PLCB1: variants seen among roughly 807,000 people sequenced by gnomAD.
The protein encoded by PLCB1 is phospholipase C beta 1, also known as 1-phosphatidylinositol 4,5-bisphosphate phosphodiesterase beta-1.
A neutral mutation model predicts 161.8 loss-of-function variants in PLCB1; 46 were observed. The ratio of observed to expected loss-of-function variants is 0.28; its 90% confidence interval spans 0.22 to 0.36. The LOEUF is 0.36. PLCB1 is among the 10% of genes least tolerant of loss of function. PLCB1 has a pLI of 1.00. For synonymous variants in PLCB1, 517 were observed against 503.7 expected (o/e 1.03, Z -0.35); for missense variants, 1,016 against 1,472.5 (o/e 0.69, Z 5.07).
At chr20:8,861,891 T>G (rs1442612636) in intron 31 of PLCB1, among the ~76,000 whole-genome samples, 1 of 152,084 alleles carries the variant, frequency 6.6e-6, no homozygotes, top group African/African-American at 2.4e-5. Context: ...ACAATGAAAA[T>G]GTACATTGAT....
chr20:8,781,244 A>G (rs1389970639), intron 27 of PLCB1, among the ~76,000 whole-genome samples: 3 of 152,086 alleles, frequency 2.0e-5, no homozygotes, highest in African/African-American at 7.2e-5. Flanking sequence ...TTTTTGAAAA[A>G]TAATTTAGCT....
intron 3 of PLCB1, among the ~76,000 whole-genome samples, chr20:8,602,948 C>CT (rs1243798439): frequency 6.6e-6 from 1 of 152,186 alleles, no homozygotes; most frequent in Non-Finnish European, 1.5e-5. Flanking sequence ...AGCATTTTGT[C>CT]TGTCTAGTTT....
chr20:8,780,064 A>G lies in PLCB1; in HGVS notation c.3111+5345A>G, dbSNP rs77088870. On this transcript the variant is annotated intron_variant, in intron 27 of 31. Transcript: ENST00000338037. The stretch of plus-strand genomic sequence containing the variant: ...GGTAAGGACTTTTGCTCCAGAGAAG[A>G]ACTACAGGGTCAGGGAATCTGTTCT... Among the ~76,000 whole-genome samples the G allele has an allele frequency of 2.3e-3, 352 of 152,344 alleles. 9 individuals carry two copies. The East Asian group carries it at 0.056, about 24-fold the overall frequency.
At chr20:8,221,763 C>G (rs1979423354) in intron 2 of PLCB1, among the ~76,000 whole-genome samples, 1 of 152,082 alleles carries the variant, frequency 6.6e-6, no homozygotes, top group Admixed American at 6.6e-5. Flanking sequence ...AAGAGAAGTT[C>G]AAGGTCAAAG....
intron 3 of PLCB1, among the ~76,000 whole-genome samples, chr20:8,372,936 T>G (rs1006730899): frequency 2.0e-5 from 3 of 152,210 alleles, no homozygotes; most frequent in African/African-American, 7.2e-5. Context: ...CAAAGTGAAT[T>G]CTGCTGCCAC....
chr20:8,785,201 G>GT (rs1437217853), intron 27 of PLCB1, among the ~76,000 whole-genome samples: 1 of 152,080 alleles, frequency 6.6e-6, no homozygotes, highest in African/African-American at 2.4e-5. Flanking sequence ...AATTGAAATG[G>GT]TTTCTTCCAG....
intron 3 of PLCB1, among the ~76,000 whole-genome samples, chr20:8,571,157 A>T (rs1290858348): frequency 6.6e-6 from 1 of 152,180 alleles, no homozygotes; most frequent in Non-Finnish European, 1.5e-5. Context: ...AGAAAAAGGG[A>T]AATACCTATT....
chr20:8,632,010 AG>A (rs1376929700), intron 4 of PLCB1, among the ~76,000 whole-genome samples: 1 of 137,550 alleles, frequency 7.3e-6, no homozygotes, highest in Admixed American at 7.5e-5. Flanking sequence ...TTACTCCTGG[AG>A]GAGACAAATA....
At chr20:8,605,605 G>GTTTTC (rs911092026) in intron 3 of PLCB1, among the ~76,000 whole-genome samples, 1 of 91,736 alleles carries the variant, frequency 1.1e-5, no homozygotes, top group Non-Finnish European at 2.3e-5. Flanking sequence ...TATGTTTGGT[G>GTTTTC]TTTTCTTTTT....
chr20:8,354,243 G>A (rs538310087), intron 2 of PLCB1, among the ~76,000 whole-genome samples: 12 of 151,958 alleles, frequency 7.9e-5, no homozygotes, highest in Admixed American at 1.3e-4. Context: ...AATTTGTATC[G>A]TGTATTTTAT....
At chr20:8,218,315 G>A (rs2123158084) in intron 2 of PLCB1, among the ~76,000 whole-genome samples, 1 of 152,232 alleles carries the variant, frequency 6.6e-6, no homozygotes, top group South Asian at 2.1e-4. Context: ...TAATACATAT[G>A]CTCAGAGTTC....
chr20:8,699,942 A>G (rs1990662616), intron 11 of PLCB1, among the ~76,000 whole-genome samples: 1 of 152,162 alleles, frequency 6.6e-6, no homozygotes, highest in African/African-American at 2.4e-5. Flanking sequence ...CATGATTATG[A>G]CCCTTGCATT....
intron 3 of PLCB1, among the ~76,000 whole-genome samples, chr20:8,442,709 A>G (rs141390918): frequency 2.6e-5 from 4 of 152,200 alleles, no homozygotes; most frequent in African/African-American, 9.6e-5. Flanking sequence ...AAAATGTATA[A>G]TATTATCTAT....
chr20:8,151,536 G>C (rs2051508015), intron 2 of PLCB1, among the ~76,000 whole-genome samples: 1 of 152,138 alleles, frequency 6.6e-6, no homozygotes. Flanking sequence ...CTACGCTAAT[G>C]TCAAAAATTG....
intron 17 of PLCB1, among the ~76,000 whole-genome samples, chr20:8,728,170 C>T (rs776718360): frequency 8.5e-5 from 13 of 152,070 alleles, no homozygotes; most frequent in Non-Finnish European, 1.6e-4. Context: ...ATTTAATCCT[C>T]ACAATAGTCC....
chr20:8,174,154 G>A (rs796651624), intron 2 of PLCB1, among the ~76,000 whole-genome samples: 18 of 149,100 alleles, frequency 1.2e-4, no homozygotes, highest in African/African-American at 4.2e-4. Context: ...ACCTCAAACA[G>A]GATACACCTT....
intron 3 of PLCB1, among the ~76,000 whole-genome samples, chr20:8,509,032 G>T (rs901804894): frequency 6.6e-6 from 1 of 152,046 alleles, no homozygotes; most frequent in Non-Finnish European, 1.5e-5. Flanking sequence ...AGACCACTCC[G>T]TCCATTCTAC....
At chr20:8,443,889 A>G (rs1472498627) in intron 3 of PLCB1, among the ~76,000 whole-genome samples, 1 of 152,098 alleles carries the variant, frequency 6.6e-6, no homozygotes, top group Non-Finnish European at 1.5e-5. Context: ...AGGGGTCACA[A>G]TAGCACCCCA....
chr20:8,400,683 C>T (rs531821022), intron 3 of PLCB1, among the ~76,000 whole-genome samples: 5 of 152,172 alleles, frequency 3.3e-5, no homozygotes, highest in South Asian at 2.1e-4. Flanking sequence ...GAAATTATGC[C>T]GTGTCAGCAC....
Sources: allele counts gnomAD v4.1 joint callset (sites outside exome capture counted in the v4.1 genomes callset), GRCh38; gene constraint gnomAD v4.1.1; transcripts MANE v1.5; gene names NCBI Gene and HGNC (gene_info 2026-07-23, HGNC 2026-07-21).